Variants in DTNBP1 observed in about 807,000 individuals in gnomAD.
The protein encoded by DTNBP1 is dysbindin.
A neutral mutation model predicts 42.8 loss-of-function variants in DTNBP1; 35 were observed. The ratio of observed to expected loss-of-function variants is 0.82; its 90% CI spans 0.63 to 1.09. The LOEUF is 1.09. Among genes scored for constraint, DTNBP1 ranks in the 50% least tolerant of loss-of-function variants. The pLI is 0.00. For synonymous variants in DTNBP1, 171 were observed against 162.2 expected (o/e 1.05, Z -0.41); for missense variants, 457 against 424.2 (o/e 1.08, Z -0.68).
At chr6:15,635,823 T>C (rs1343443679) in intron 4 of DTNBP1, among the ~76,000 whole-genome samples, 1 of 152,212 alleles carries the variant, frequency 6.6e-6, no homozygotes. Context: ...ATCTTTTGGG[T>C]TTGTAATTTC....
At chr6:15,626,448 G>A (rs572726634) in intron 5 of DTNBP1, among the ~76,000 whole-genome samples, 83 of 152,184 alleles carry the variant, frequency 5.5e-4, no homozygotes, top group African/African-American at 1.8e-3. Flanking sequence ...CTTTGAATAA[G>A]GCAATATTAA....
At chr6:15,627,199 A>G (rs756008140) in intron 5 of DTNBP1, 144 bp downstream of exon 5, 38 of 1,087,950 alleles carry the variant, frequency 3.5e-5, no homozygotes, top group Non-Finnish European at 5.0e-5. Context: ...TCCTCAACTA[A>G]TCAAAATATG....
intron 1 of DTNBP1, among the ~76,000 whole-genome samples, chr6:15,654,611 C>T (rs1333947308): frequency 2.0e-5 from 3 of 151,936 alleles, no homozygotes; most frequent in Non-Finnish European, 4.4e-5. Context: ...TGCCCCCCTA[C>T]CCCATCTCCT....
intron 5 of DTNBP1, among the ~76,000 whole-genome samples, chr6:15,616,779 TAG>T: frequency 6.6e-6 from 1 of 152,148 alleles, no homozygotes; most frequent in Non-Finnish European, 1.5e-5. Context: ...AGAGAGCAAT[TAG>T]GCACAAGAAA....
At chr6:15,572,459 G>A (rs535007046) in intron 7 of DTNBP1, among the ~76,000 whole-genome samples, 1 of 152,250 alleles carries the variant, frequency 6.6e-6, no homozygotes, top group African/African-American at 2.4e-5. Flanking sequence ...TATATTACAA[G>A]ACAAGAAACC....
At chr6:15,600,097 G>A (rs1475199732) in intron 6 of DTNBP1, among the ~76,000 whole-genome samples, 4 of 151,856 alleles carry the variant, frequency 2.6e-5, no homozygotes, top group East Asian at 1.9e-4. Context: ...CTGATCAAGC[G>A]GCACCAGGCC....
intron 6 of DTNBP1, among the ~76,000 whole-genome samples, chr6:15,611,111 T>C (rs1389332920): frequency 1.3e-5 from 2 of 152,228 alleles, no homozygotes; most frequent in Non-Finnish European, 2.9e-5. Context: ...TCTGATTCTC[T>C]TGTTAGGGAC....
chr6:15,566,110 C>T (rs940104027), intron 7 of DTNBP1, among the ~76,000 whole-genome samples: 3 of 151,882 alleles, frequency 2.0e-5, no homozygotes, highest in East Asian at 1.9e-4. Context: ...GTCAAGAGAT[C>T]GAGACCATCC....
chr6:15,654,626 G>C (rs902828259), intron 1 of DTNBP1, among the ~76,000 whole-genome samples: 3 of 150,796 alleles, frequency 2.0e-5, no homozygotes, highest in African/African-American at 7.3e-5. Context: ...TCTCCTCCCC[G>C]CCACCGACAA....
intron 7 of DTNBP1, among the ~76,000 whole-genome samples, chr6:15,570,795 A>G (rs749839451): frequency 3.9e-5 from 6 of 152,258 alleles, no homozygotes; most frequent in Non-Finnish European, 7.3e-5. Flanking sequence ...ATAAAAAATA[A>G]TATTTGAATA....
At chr6:15,639,053 G>A (rs1217431983) in intron 3 of DTNBP1, among the ~76,000 whole-genome samples, 2 of 152,048 alleles carry the variant, frequency 1.3e-5, no homozygotes, top group Non-Finnish European at 2.9e-5. Flanking sequence ...CTAAAGAATT[G>A]TTCAATGTTA....
chr6:15,648,745 T>C (rs570483422), intron 3 of DTNBP1, among the ~76,000 whole-genome samples: 8 of 152,088 alleles, frequency 5.3e-5, no homozygotes, highest in Middle Eastern at 3.4e-3. Flanking sequence ...AAGACATCAA[T>C]AAATAGAAAA....
At chr6:15,584,249 TC>T (rs2113589957) in intron 7 of DTNBP1, among the ~76,000 whole-genome samples, 1 of 152,272 alleles carries the variant, frequency 6.6e-6, no homozygotes, top group South Asian at 2.1e-4. Context: ...AGGAGCAATT[TC>T]TTAGATGAAT....
At chr6:15,595,056 A>C in intron 6 of DTNBP1, 1 of 452,778 alleles carries the variant, frequency 2.2e-6, no homozygotes. Context: ...TGCTGTGAAG[A>C]GGACAAGCCC....
At chr6:15,659,027 T>C (rs1761438745) in intron 1 of DTNBP1, among the ~76,000 whole-genome samples, 1 of 152,204 alleles carries the variant, frequency 6.6e-6, no homozygotes, top group Non-Finnish European at 1.5e-5. Context: ...CATAAGTCCA[T>C]GGACAACCTA....
At chr6:15,656,990 A>G (rs1761321738) in intron 1 of DTNBP1, among the ~76,000 whole-genome samples, 1 of 152,204 alleles carries the variant, frequency 6.6e-6, no homozygotes, top group Non-Finnish European at 1.5e-5. Context: ...CCAATCTATT[A>G]CATTTTCACA....
chr6:15,564,971 TTG>T (rs2113494949), intron 7 of DTNBP1, among the ~76,000 whole-genome samples: 1 of 152,218 alleles, frequency 6.6e-6, no homozygotes, highest in African/African-American at 2.4e-5. Context: ...CTGGGCATGG[TTG>T]TGTGTTCCTG....
chr6:15,588,381 C>T (rs1389461237), intron 7 of DTNBP1, among the ~76,000 whole-genome samples: 4 of 152,168 alleles, frequency 2.6e-5, no homozygotes, highest in Non-Finnish European at 4.4e-5. Flanking sequence ...TGGGAATATC[C>T]TACTCCCTAT....
intron 7 of DTNBP1, among the ~76,000 whole-genome samples, chr6:15,565,946 A>T (rs185782886): frequency 3.1e-4 from 47 of 152,364 alleles, no homozygotes; most frequent in Admixed American, 1.8e-3. Context: ...GGAGAAATAC[A>T]GAGTACTCTG....
Sources: allele counts gnomAD v4.1 joint callset (sites outside exome capture counted in the v4.1 genomes callset), GRCh38; gene constraint gnomAD v4.1.1; transcripts MANE v1.5; gene names NCBI Gene and HGNC (gene_info 2026-07-23, HGNC 2026-07-21).